ICE1: variants seen among roughly 807,000 people sequenced by gnomAD.
ICE1 encodes the protein little elongation complex subunit 1.
ICE1 carries 64 observed loss-of-function variants against 192.7 expected under a neutral mutation model. The ratio of observed to expected loss-of-function variants is 0.33; its 90% confidence interval spans 0.27 to 0.41. The LOEUF (loss-of-function observed/expected upper bound fraction) is 0.41. Among genes scored for constraint, ICE1 ranks in the 10% least tolerant of loss-of-function variants. ICE1 has a pLI of 1.00. For synonymous variants in ICE1, 1,010 were observed against 984.5 expected (o/e 1.03, Z -0.49); for missense variants, 2,708 against 2,696.0 (o/e 1.00, Z -0.10).
rs1738788042 is a variant in ICE1, at chr5:5,461,748, T to G, written c.2414T>G (p.Leu805Arg). The G allele has an allele frequency of 6.2e-7, 1 of 1,613,644 alleles. No homozygotes were observed. The highest frequency in any genetic ancestry group is 1.1e-5 in the South Asian group (1 of 91,056). Reference sequence around the variant, plus strand: ...TTAAGGAAAGGTGGCGAAGAAAGTCTGAGAGCCAAATCAGAACATGAACAG... The same window carrying G: ...TTAAGGAAAGGTGGCGAAGAAAGTCGGAGAGCCAAATCAGAACATGAACAG... ...DLLRKGGEES[L>R]RAKSEHEQKT... is the part of the protein sequence containing the mutation. The change falls in exon 13 of 19, where the codon CTG (leucine) becomes CGG (arginine). Residue 805 changes from leucine to arginine, a missense_variant. Leu to Arg is a moderately radical substitution (Grantham distance 102). Transcript: ENST00000296564.
chr5:5,437,745 T>C (rs567959155), intron 3 of ICE1: 39 of 152,480 alleles, frequency 2.6e-4, no homozygotes, highest in Middle Eastern at 3.4e-3. Flanking sequence ...TAATTGATCC[T>C]TCCATGTCTT....
intron 3 of ICE1, chr5:5,437,348 C>T (rs759985554): frequency 7.3e-5 from 30 of 412,882 alleles, no homozygotes; most frequent in African/African-American, 1.2e-4. Context: ...ATTTTCTTAA[C>T]GTCTCATAAG....
chr5:5,458,805 G>T (rs923808424), intron 12 of ICE1, among the ~76,000 whole-genome samples: 4 of 152,172 alleles, frequency 2.6e-5, no homozygotes, highest in Admixed American at 1.3e-4. Context: ...AGTAGGGAGT[G>T]GGGGGATAGT....
intron 17 of ICE1, among the ~76,000 whole-genome samples, chr5:5,477,074 T>C (rs1739335956): frequency 6.6e-6 from 1 of 152,090 alleles, no homozygotes; most frequent in Non-Finnish European, 1.5e-5. Flanking sequence ...TTTTTACTTA[T>C]TTTTTTCCTC....
In ICE1 at chr5:5,445,735, ATT is replaced by A. The variant is rs369289020; in HGVS notation, c.424+1423_424+1424del. On this transcript the variant is annotated intron_variant, in intron 7 of 18. Coordinates refer to ENST00000296564, the MANE Select transcript of ICE1 (RefSeq NM_015325.3). The stretch of plus-strand genomic sequence containing the variant: ...AGCCACATTTTTTATTTAAAAAAGA[ATT>A]TTTTTTTTTTTTTGAGAGGAAGTCT... Among the ~76,000 whole-genome samples, 303 of 144,910 alleles carry A rather than the reference ATT, an allele frequency of 2.1e-3. 3 individuals are homozygous for A. The highest frequency in any genetic ancestry group is 0.014 in the Admixed American group (205 of 14,562).
At chr5:5,423,087 C>G in intron 1 of ICE1, 88 bp downstream of exon 1, 1 of 833,176 alleles carries the variant, frequency 1.2e-6, no homozygotes, top group Non-Finnish European at 1.6e-6. Flanking sequence ...GCCGCGCGGG[C>G]TGTGCCTCAG....
At position 5,464,521 on chromosome 5, in the gene ICE1, C is replaced by A. The variant is rs1738919030; in HGVS notation, c.5187C>A (p.Gly1729=). 6.2e-7 allele frequency: 1 copy of A among 1,613,916 alleles called. No homozygotes were observed. The highest frequency in any genetic ancestry group is 2.2e-5 in the East Asian group (1 of 44,866). Residue 1729 remains glycine, a synonymous_variant, in exon 13 of 19, where the codon GGC becomes GGA. Transcript: ENST00000296564. This position sits in a 1 kb window ranked among gnomAD's most constrained non-coding sequence, Gnocchi z 4.0. ...ATPKHALPVP[G]RLPPCASGHA... is the part of the protein sequence containing the mutation. ...CGAAGCACGCACTTCCTGTGCCTGGCCGACTCCCACCCTGTGCATCTGGCC... is the reference window on the plus strand; with the variant it reads ...CGAAGCACGCACTTCCTGTGCCTGGACGACTCCCACCCTGTGCATCTGGCC...
intron 6 of ICE1, 107 bp downstream of exon 6, chr5:5,443,351 A>G (rs1399439515): frequency 1.6e-6 from 1 of 606,112 alleles, no homozygotes; most frequent in South Asian, 2.4e-5. Flanking sequence ...TTTCTTGGCC[A>G]TAATTAGCTG....
chr5:5,442,524 G>A (rs1260193787), intron 5 of ICE1, among the ~76,000 whole-genome samples: 3 of 152,210 alleles, frequency 2.0e-5, no homozygotes, highest in Admixed American at 1.3e-4. Flanking sequence ...ATTGGAGTTA[G>A]ACCTTAATGA....
At position 5,473,576 on chromosome 5, in the gene ICE1, G is replaced by C; in HGVS notation, c.6241G>C (p.Gly2081Arg). 6.2e-7 allele frequency: 1 copy of C among 1,610,130 alleles called. No homozygotes were observed. The highest frequency in any genetic ancestry group is 1.1e-5 in the South Asian group (1 of 89,788). Reference sequence around the variant, plus strand: ...TTGCTAGAATGCCCCGGTAGATGTTGGCTTCATGGTTTCTAAGCTGCTTTT... The same window carrying C: ...TTGCTAGAATGCCCCGGTAGATGTTCGCTTCATGGTTTCTAAGCTGCTTTT... The part of the protein sequence containing the change: ...NWEKNAPVDV[G>R]FMVSKLLLTI... Residue 2081 changes from glycine to arginine, a missense_variant, in exon 16 of 19, where the codon GGC becomes CGC. By Grantham distance (125) the Gly-to-Arg change is moderately radical. This residue lies in a region of ICE1 where 342 missense variants were observed against 419.3 expected (regional missense o/e 0.82). Coordinates refer to ENST00000296564, the MANE Select transcript of ICE1 (RefSeq NM_015325.3).
In ICE1 at chr5:5,464,414, C is replaced by T. The variant is rs1393334040; in HGVS notation, c.5080C>T (p.Pro1694Ser). The T allele has an allele frequency of 1.2e-6, 2 of 1,613,902 alleles. No individual in the cohort carries two copies. Among genetic ancestry groups the T allele is most frequent in the East Asian group, 2.2e-5 (1 of 44,860 alleles). ...WPEDPRRASP[P>S]DPSPSPSAAS... ...AGAGGACCCCAGACGTGCCTCTCCTCCAGATCCTTCTCCATCTCCATCTGC... is the reference window on the plus strand; with the variant it reads ...AGAGGACCCCAGACGTGCCTCTCCTTCAGATCCTTCTCCATCTCCATCTGC... Residue 1694 changes from proline (P) to serine (S), a missense_variant, in exon 13 of 19, where the codon CCA (proline) becomes TCA (serine). Transcript: ENST00000296564. This position sits in a 1 kb window ranked among gnomAD's most constrained non-coding sequence, Gnocchi z 4.0.
chr5:5,467,286 A>AG (rs1739015919), intron 14 of ICE1, among the ~76,000 whole-genome samples: 1 of 152,196 alleles, frequency 6.6e-6, no homozygotes, highest in East Asian at 1.9e-4. Flanking sequence ...AGATGGAGGT[A>AG]CACTTGTCCA....
intron 10 of ICE1, among the ~76,000 whole-genome samples, chr5:5,453,048 C>A (rs1738471344): frequency 6.6e-6 from 1 of 152,018 alleles, no homozygotes; most frequent in Non-Finnish European, 1.5e-5. Context: ...TGCTCAGTTA[C>A]AAAGGCATAG....
At chr5:5,427,092 T>C (rs1561070287) in intron 1 of ICE1, among the ~76,000 whole-genome samples, 1 of 152,188 alleles carries the variant, frequency 6.6e-6, no homozygotes, top group Non-Finnish European at 1.5e-5. Flanking sequence ...CTCCCTGTCC[T>C]TTTTTTCTTT....
chr5:5,473,803 G>A, intron 16 of ICE1, 55 bp downstream of exon 16: 1 of 1,281,628 alleles, frequency 7.8e-7, no homozygotes, highest in Non-Finnish European at 1.1e-6. Flanking sequence ...TTGAATTGTT[G>A]AACACTGAAT....
intron 10 of ICE1, among the ~76,000 whole-genome samples, chr5:5,453,296 A>G (rs957979934): frequency 1.3e-5 from 2 of 152,112 alleles, no homozygotes; most frequent in Non-Finnish European, 2.9e-5. Context: ...CACAGTGGCA[A>G]TCAGAAGGTT....
intron 10 of ICE1, among the ~76,000 whole-genome samples, chr5:5,450,277 T>C (rs1738375398): frequency 6.6e-6 from 1 of 152,146 alleles, no homozygotes; most frequent in Non-Finnish European, 1.5e-5. Flanking sequence ...AAAAATCCAA[T>C]TGTATAAATA....
At chr5:5,482,919 G>T (rs1739544851) in intron 17 of ICE1, among the ~76,000 whole-genome samples, 1 of 152,074 alleles carries the variant, frequency 6.6e-6, no homozygotes. Flanking sequence ...AATCAAGTTG[G>T]TAGGCTGTGA....
At chr5:5,465,259 GA>G (rs1738950665) in intron 13 of ICE1, 33 bp downstream of exon 13, 1 of 1,422,662 alleles carries the variant, frequency 7.0e-7, no homozygotes, top group Admixed American at 2.3e-5. Context: ...GTGCATTAGG[GA>G]TTACATGTCC....
Sources: allele counts gnomAD v4.1 joint callset (sites outside exome capture counted in the v4.1 genomes callset), GRCh38; gene constraint gnomAD v4.1.1; regional missense constraint gnomAD v4.1.1; non-coding constraint Gnocchi (gnomAD v3.1); transcripts MANE v1.5; gene names NCBI Gene and HGNC (gene_info 2026-07-23, HGNC 2026-07-21).